Variants in NEDD9 observed in about 807,000 individuals in gnomAD.
NEDD9 encodes the protein enhancer of filamentation 1.
A neutral mutation model predicts 76.6 loss-of-function variants in NEDD9; 26 were observed. The ratio of observed to expected loss-of-function variants is 0.34; its 90% CI spans 0.25 to 0.47. The LOEUF (loss-of-function observed/expected upper bound fraction) is 0.47. Ranked by LOEUF, NEDD9 falls within the 20% of genes least tolerant of loss-of-function variation. The pLI is 1.00. For missense variants in NEDD9, 937 were observed against 1,058.5 expected (o/e 0.89, Z 1.59); for synonymous variants, 392 against 414.2 (o/e 0.95, Z 0.65).
intron 2 of NEDD9, chr6:11,200,413 A>G: frequency 1.4e-6 from 1 of 728,378 alleles, no homozygotes; most frequent in Non-Finnish European, 1.9e-6. Context: ...CATTATTTCT[A>G]CAAATGTACT....
upstream of NEDD9, chr6:11,233,312 C>T (rs1421063035): frequency 3.9e-6 from 2 of 519,046 alleles, no homozygotes; most frequent in Admixed American, 1.9e-5. Flanking sequence ...CTCTAGCACA[C>T]GCACCAGCGT....
intron 3 of NEDD9, among the ~76,000 whole-genome samples, chr6:11,239,243 G>A (rs1033675884): frequency 6.6e-6 from 1 of 152,140 alleles, no homozygotes; most frequent in Non-Finnish European, 1.5e-5. Context: ...TTTAGTGCTT[G>A]GTATTCCCTT....
chr6:11,267,383 G>GA lies in NEDD9; in HGVS notation c.12+38608dup, dbSNP rs532016064. On this transcript the variant is annotated intron_variant, in intron 3 of 3. Transcript: ENST00000397378. ...AGCTTTGATAAGGTCAGATGTCTTT[G>GA]AAAAAAAAAAAAAAACCACCACTTC... is the stretch of plus-strand genomic sequence containing the variant. Among the ~76,000 whole-genome samples the GA allele has an allele frequency of 6.0e-3, 761 of 126,126 alleles. 1 individual carries two copies. The highest frequency in any genetic ancestry group is 6.8e-3 in the Admixed American group (84 of 12,312). The allele number at this position is 126,126 out of a possible 152,430, so 82.7% of individuals were successfully genotyped here. A position where few individuals can be genotyped will look rare whatever the true frequency, so the allele number is the denominator to read the frequency against.
At chr6:11,338,672 C>G (rs1762212838) in intron 1 of NEDD9, among the ~76,000 whole-genome samples, 1 of 151,962 alleles carries the variant, frequency 6.6e-6, no homozygotes, top group Non-Finnish European at 1.5e-5. Flanking sequence ...ACCTGTAATC[C>G]CAGCACTTTG....
chr6:11,214,111 G>A (rs1403165615), intron 1 of NEDD9: 5 of 470,876 alleles, frequency 1.1e-5, no homozygotes, highest in Admixed American at 2.6e-5. Context: ...TCAGATGTTC[G>A]ACAATGAACA....
chr6:11,327,113 G>T (rs974863707), intron 2 of NEDD9, among the ~76,000 whole-genome samples: 2 of 152,162 alleles, frequency 1.3e-5, no homozygotes, highest in Admixed American at 1.3e-4. Context: ...GACTGTACTG[G>T]TGTGGCATGG....
rs1757908986 is a variant in NEDD9, at chr6:11,183,694, C to A, written c.*1468G>T. 6.6e-6 allele frequency: 1 copy of A among 151,930 alleles called. No individual in the cohort carries two copies. The highest frequency in any genetic ancestry group is 2.4e-5 in the African/African-American group (1 of 41,334). The allele number at this position is 151,930 out of a possible 1,614,324, so 9.4% of individuals were successfully genotyped here. ...ATCATGCATTCTTGTTTTTTAAATC[C>A]TTTTCTGTTCCAATGATTTGGTTGT... On this transcript the variant is annotated 3_prime_UTR_variant, in exon 7 of 7. Coordinates refer to ENST00000379446, the MANE Select transcript of NEDD9 (RefSeq NM_006403.4).
chr6:11,304,217 A>G (rs1263258408), intron 3 of NEDD9, among the ~76,000 whole-genome samples: 1 of 152,244 alleles, frequency 6.6e-6, no homozygotes, highest in Non-Finnish European at 1.5e-5. Context: ...AATGCTCATC[A>G]CTTGTCATCA....
At chr6:11,290,299 C>T (rs376103866) in intron 3 of NEDD9, among the ~76,000 whole-genome samples, 2 of 152,304 alleles carry the variant, frequency 1.3e-5, no homozygotes, top group South Asian at 4.1e-4. Flanking sequence ...ACCATCCAGA[C>T]CTTCATTCCC....
At chr6:11,264,379 T>G (rs6932615) in intron 3 of NEDD9, among the ~76,000 whole-genome samples, 72,076 of 151,874 alleles carry the variant, frequency 0.47, 17,925 homozygotes, top group African/African-American at 0.63. Context: ...GGTCACTGCT[T>G]GGGGAACCAC....
At chr6:11,255,273 C>T (rs1184793956) in intron 3 of NEDD9, among the ~76,000 whole-genome samples, 1 of 152,214 alleles carries the variant, frequency 6.6e-6, no homozygotes, top group African/African-American at 2.4e-5. Flanking sequence ...CGGAGGGATT[C>T]TCTGTTCCAC....
At chr6:11,291,267 G>GTTTTTTTTTTT (rs869185428) in intron 3 of NEDD9, among the ~76,000 whole-genome samples, 1 of 95,824 alleles carries the variant, frequency 1.0e-5, no homozygotes, top group African/African-American at 5.0e-5. Flanking sequence ...ATAGAATGAG[G>GTTTTTTTTTTT]TTTTTTTTTT....
intron 1 of NEDD9, among the ~76,000 whole-genome samples, chr6:11,355,832 T>G (rs1196517194): frequency 2.0e-5 from 3 of 152,202 alleles, no homozygotes; most frequent in African/African-American, 4.8e-5. Flanking sequence ...ACCATTCTCC[T>G]GCCTCAGCCT....
intron 1 of NEDD9, among the ~76,000 whole-genome samples, chr6:11,218,166 T>C (rs1581963905): frequency 6.6e-6 from 1 of 152,192 alleles, no homozygotes; most frequent in African/African-American, 2.4e-5. Flanking sequence ...AATGGGCATC[T>C]TCCTCTCTAA....
chr6:11,295,213 G>T (rs1197365301), intron 3 of NEDD9, among the ~76,000 whole-genome samples: 1 of 152,160 alleles, frequency 6.6e-6, no homozygotes, highest in Non-Finnish European at 1.5e-5. Flanking sequence ...TTGGCCATTT[G>T]TATGTCTTCT....
chr6:11,244,990 C>T (rs530237546), intron 3 of NEDD9, among the ~76,000 whole-genome samples: 25 of 152,310 alleles, frequency 1.6e-4, no homozygotes, highest in Middle Eastern at 6.8e-3. Flanking sequence ...TGCTGACTAA[C>T]CCTCTACTGG....
intron 1 of NEDD9, among the ~76,000 whole-genome samples, chr6:11,219,283 C>T (rs537599694): frequency 6.6e-5 from 10 of 152,314 alleles, no homozygotes; most frequent in East Asian, 1.9e-4. Flanking sequence ...TTTCCAAATA[C>T]GGAGAGGTGT....
At chr6:11,334,966 A>G (rs1402675579) in intron 1 of NEDD9, among the ~76,000 whole-genome samples, 2 of 152,222 alleles carry the variant, frequency 1.3e-5, no homozygotes, top group Non-Finnish European at 2.9e-5. Flanking sequence ...GAAGTTGACA[A>G]TGACCAATTG....
chr6:11,257,755 TGA>T (rs376170016), intron 3 of NEDD9, among the ~76,000 whole-genome samples: 4 of 145,496 alleles, frequency 2.7e-5, no homozygotes, highest in South Asian at 2.2e-4. Context: ...CCCCGCAGAG[TGA>T]CAGAAACAAT....
Sources: allele counts gnomAD v4.1 joint callset (sites outside exome capture counted in the v4.1 genomes callset), GRCh38; gene constraint gnomAD v4.1.1; transcripts MANE v1.5; gene names NCBI Gene and HGNC (gene_info 2026-07-23, HGNC 2026-07-21).